The following ZNF487 variants were observed in gnomAD, a reference collection of about 807,000 sequenced individuals.
The protein encoded by ZNF487 is zinc finger protein 487, also known as KRAB domain only 1.
A neutral mutation model predicts 3.0 loss-of-function variants in ZNF487; 4 were observed. That is an observed-to-expected ratio of 1.35 (90% CI 0.66 to 3.08). The LOEUF is 3.08. ZNF487 is among the 30% of genes most tolerant of loss of function. The pLI is 0.01. For synonymous variants in ZNF487, 55 were observed against 34.6 expected, an observed-to-expected ratio of 1.59 and a Z score of -2.06; for missense variants, 146 against 98.7, an observed-to-expected ratio of 1.48 and a Z score of -2.03.
chr10:43,499,946 C>T, the ZNF487 span, among the ~76,000 whole-genome samples: 4 of 152,030 alleles, frequency 2.6e-5, no homozygotes, highest in Non-Finnish European at 4.4e-5. Context: ...TGCAATGGTG[C>T]GGTCTCGGTT....
At chr10:43,465,009 A>C (rs1389093684) in intron 1 of ZNF487, among the ~76,000 whole-genome samples, 39 of 106,684 alleles carry the variant, frequency 3.7e-4, no homozygotes, top group East Asian at 8.1e-4. Context: ...TGACCCCCCC[A>C]CCTCCCTCCC....
chr10:43,493,706 AAAAATATATAT>A, the ZNF487 span, among the ~76,000 whole-genome samples: 610 of 61,284 alleles, frequency 1.0e-2, 8 homozygotes, highest in Admixed American at 0.019. Context: ...AAAAAAAAAA[AAAAATATATAT>A]ATATATATAT....
intron 1 of ZNF487, among the ~76,000 whole-genome samples, chr10:43,472,491 C>T (rs1212066029): frequency 6.6e-6 from 1 of 152,162 alleles, no homozygotes; most frequent in Non-Finnish European, 1.5e-5. Context: ...GCCTGGATTA[C>T]AGCAACCGTT....
At chr10:43,505,879 G>A in the ZNF487 span, among the ~76,000 whole-genome samples, 1 of 152,180 alleles carries the variant, frequency 6.6e-6, no homozygotes, top group East Asian at 1.9e-4. Flanking sequence ...CTGATCTCAA[G>A]TGATCTGCCC....
At chr10:43,446,995 C>G (rs1304513050) in intron 1 of ZNF487, among the ~76,000 whole-genome samples, 9 of 152,006 alleles carry the variant, frequency 5.9e-5, no homozygotes, top group Non-Finnish European at 1.5e-5. Flanking sequence ...AGCTGGAGAC[C>G]AGCCTGGCCA....
chr10:43,499,400 G>C, the ZNF487 span, among the ~76,000 whole-genome samples: 19,206 of 152,122 alleles, frequency 0.13, 2,619 homozygotes, highest in African/African-American at 0.34. Flanking sequence ...GTTGGATTTT[G>C]AGGGTTTTTT....
At chr10:43,488,467 C>A in the ZNF487 span, among the ~76,000 whole-genome samples, 3 of 152,170 alleles carry the variant, frequency 2.0e-5, no homozygotes, top group Non-Finnish European at 4.4e-5. Context: ...AAGTGTAAAA[C>A]TAAAAGCAGT....
the ZNF487 span, among the ~76,000 whole-genome samples, chr10:43,508,736 C>T: frequency 1.6e-4 from 24 of 152,220 alleles, no homozygotes; most frequent in East Asian, 4.4e-3. Flanking sequence ...ATCCCAGCTA[C>T]TCGGGAGGCT....
At chr10:43,488,499 G>A in the ZNF487 span, among the ~76,000 whole-genome samples, 1 of 152,152 alleles carries the variant, frequency 6.6e-6, no homozygotes, top group South Asian at 2.1e-4. Context: ...GGTCATAAAA[G>A]TGATTAAATC....
At chr10:43,466,646 C>A (rs1840717533) in intron 1 of ZNF487, among the ~76,000 whole-genome samples, 1 of 152,002 alleles carries the variant, frequency 6.6e-6, no homozygotes, top group Admixed American at 6.6e-5. Context: ...TGTGATCCAC[C>A]CGCCTCGGCA....
intron 1 of ZNF487, among the ~76,000 whole-genome samples, chr10:43,470,327 C>T (rs1840860130): frequency 6.6e-6 from 1 of 151,906 alleles, no homozygotes; most frequent in Admixed American, 6.6e-5. Context: ...GATACTCCCA[C>T]CTTAGCCTCC....
intron 1 of ZNF487, among the ~76,000 whole-genome samples, chr10:43,454,976 G>A (rs1340165108): frequency 6.8e-6 from 1 of 147,998 alleles, no homozygotes; most frequent in South Asian, 2.1e-4. Flanking sequence ...AGGGATACGA[G>A]GCTGTGTGTG....
At chr10:43,444,504 G>C (rs1022315019) in intron 1 of ZNF487, among the ~76,000 whole-genome samples, 2 of 152,116 alleles carry the variant, frequency 1.3e-5, no homozygotes, top group African/African-American at 4.8e-5. Flanking sequence ...GTTGCCGGGC[G>C]TGGTGGCTTT....
chr10:43,502,800 C>A, the ZNF487 span, among the ~76,000 whole-genome samples: 1 of 152,056 alleles, frequency 6.6e-6, no homozygotes, highest in African/African-American at 2.4e-5. Flanking sequence ...CGGGGCCAAG[C>A]CGGGTGAATC....
At chr10:43,486,302 G>A (rs563061824), downstream of ZNF487, among the ~76,000 whole-genome samples, 19 of 152,096 alleles carry the variant, frequency 1.2e-4, no homozygotes, top group Admixed American at 7.9e-4. Context: ...AGGAGGGTGC[G>A]GATCACCTGA....
At chr10:43,462,304 C>T (rs1840460116) in intron 1 of ZNF487, among the ~76,000 whole-genome samples, 1 of 152,042 alleles carries the variant, frequency 6.6e-6, no homozygotes, top group African/African-American at 2.4e-5. Context: ...GGCTTTCTAG[C>T]CACGTAATCA....
chr10:43,485,677 A>G (rs1176127057), downstream of ZNF487, among the ~76,000 whole-genome samples: 2 of 152,244 alleles, frequency 1.3e-5, no homozygotes, highest in Non-Finnish European at 2.9e-5. Flanking sequence ...ACCACTAGCC[A>G]TATGTGGATA....
chr10:43,520,602 T>C, the ZNF487 span, among the ~76,000 whole-genome samples: 1 of 152,212 alleles, frequency 6.6e-6, no homozygotes, highest in African/African-American at 2.4e-5. Context: ...TATTTTAAAG[T>C]TAAACAGTTA....
At position 43,457,417 on chromosome 10, in the gene ZNF487, T is replaced by C. The variant is rs113479068; in HGVS notation, c.-93-18304T>C. On this transcript the variant is annotated intron_variant, in intron 1 of 3. Transcript: ENST00000437590. ...CTAAAAATAAAAAGATAGCTGGGCA[T>C]GGTGGCGCATGCCTGTAATCCCAGC... is the stretch of plus-strand genomic sequence containing the variant. 3.5e-5 allele frequency among the ~76,000 whole-genome samples: 5 copies of C among 144,252 alleles called. 1 individual carries two copies. Among genetic ancestry groups the C allele is most frequent in the African/African-American group, 1.0e-4 (4 of 38,704 alleles). 94.6% of individuals were successfully genotyped at this position (144,252 alleles called of 152,430 possible).
Sources: allele counts gnomAD v4.1 joint callset (sites outside exome capture counted in the v4.1 genomes callset), GRCh38; gene constraint gnomAD v4.1.1; transcripts MANE v1.5; gene names NCBI Gene and HGNC (gene_info 2026-07-23, HGNC 2026-07-21).